The following PIWIL2 variants were observed in gnomAD, a reference collection of about 807,000 sequenced individuals.
The protein encoded by PIWIL2 is piwi-like protein 2.
In PIWIL2, 81 loss-of-function variants were observed where a neutral mutation model predicts 116.5. The observed-to-expected ratio is 0.70, with a 90% CI of 0.58 to 0.84. The LOEUF (loss-of-function observed/expected upper bound fraction) is 0.84. PIWIL2 is among the 40% of genes least tolerant of loss of function. The pLI, the probability that PIWIL2 is intolerant of heterozygous loss-of-function variation, is 0.00. For missense variants in PIWIL2, 1,272 were observed against 1,212.3 expected, an observed-to-expected ratio of 1.05 and a Z score of -0.73; for synonymous variants, 489 against 429.5, an observed-to-expected ratio of 1.14 and a Z score of -1.71.
chr8:22,345,357 A>G (rs1337172753), intron 20 of PIWIL2, among the ~76,000 whole-genome samples: 1 of 152,228 alleles, frequency 6.6e-6, no homozygotes, highest in Non-Finnish European at 1.5e-5. Flanking sequence ...CATAATGGCC[A>G]GAAATTGAAA....
chr8:22,349,720 T>G (rs963930221), intron 20 of PIWIL2, among the ~76,000 whole-genome samples: 2 of 152,082 alleles, frequency 1.3e-5, no homozygotes, highest in Non-Finnish European at 2.9e-5. Context: ...ACTGGTAACT[T>G]GAGCAGAATA....
In PIWIL2 at chr8:22,355,615, C is replaced by G; in HGVS notation, c.*110C>G. On this transcript the variant is annotated 3_prime_UTR_variant, in exon 23 of 23. Transcript: ENST00000356766. The stretch of plus-strand genomic sequence containing the variant: ...GTGGGCTTTTGTGTTATAATTTTCC[C>G]TTTCTCCAACCCTGTAGAATAAGAT... 1.1e-6 allele frequency: 1 copy of G among 921,886 alleles called. No individual in the cohort carries two copies. Among genetic ancestry groups the G allele is most frequent in the Non-Finnish European group, 1.6e-6 (1 of 607,864 alleles). The allele number at this position is 921,886 out of a possible 1,614,324, so 57.1% of individuals were successfully genotyped here.
chr8:22,330,881 T>G (rs1675624469), intron 20 of PIWIL2, among the ~76,000 whole-genome samples: 2 of 151,786 alleles, frequency 1.3e-5, no homozygotes, highest in African/African-American at 4.8e-5. Flanking sequence ...TGTTGAAAAC[T>G]GGAAATTTAA....
chr8:22,281,166 C>A lies in PIWIL2; in HGVS notation c.245C>A (p.Thr82Lys), dbSNP rs769454927. 6.2e-7 allele frequency: 1 copy of A among 1,612,784 alleles called. No homozygotes were observed. Among genetic ancestry groups the A allele is most frequent in the Non-Finnish European group, 8.5e-7 (1 of 1,179,520 alleles). ...ATGTTCCGAGGCCTGGGCATTGAAA[C>A]AGTTTCTAAGACCCCTCTGAAACGG... The part of the protein sequence containing the change: ...VSMFRGLGIE[T>K]VSKTPLKREM... Residue 82 changes from threonine to lysine, a missense_variant, in exon 3 of 23, where the codon ACA becomes AAA. Thr to Lys is a moderately conservative substitution (Grantham distance 78). Coordinates refer to ENST00000356766, the MANE Select transcript of PIWIL2 (RefSeq NM_018068.5).
chr8:22,320,606 T>C (rs552148129), intron 20 of PIWIL2, among the ~76,000 whole-genome samples: 2 of 151,252 alleles, frequency 1.3e-5, no homozygotes, highest in African/African-American at 2.4e-5. Context: ...TCTTCTTTTT[T>C]TGAGACGGAA....
rs778590476 is a variant in PIWIL2, at chr8:22,305,979, TC to T, written c.1511del (p.Pro504GlnfsTer4). 1.2e-6 allele frequency: 2 copies of T among 1,613,888 alleles called. No homozygotes were observed. Among genetic ancestry groups the T allele is most frequent in the Non-Finnish European group, 1.7e-6 (2 of 1,179,912 alleles). On this transcript the variant is annotated frameshift_variant, in exon 13 of 23. Transcript: ENST00000356766. LOFTEE classifies it high-confidence loss of function. ...LLPELSFMTG[I>X]PEKMKKDFRA... ...CCTGAGCTTTCTTTTATGACCGGAA[TC>T]CCAGAGAAGATGAAGAAGGACTTCA...
At chr8:22,296,646 C>G (rs1324572615) in intron 10 of PIWIL2, among the ~76,000 whole-genome samples, 2 of 152,180 alleles carry the variant, frequency 1.3e-5, no homozygotes, top group East Asian at 3.9e-4. Flanking sequence ...GTTGAAAGAT[C>G]TAAAGCTGTT....
chr8:22,288,036 C>T (rs1183579328), intron 7 of PIWIL2, among the ~76,000 whole-genome samples: 2 of 152,154 alleles, frequency 1.3e-5, no homozygotes, highest in East Asian at 1.9e-4. Flanking sequence ...CGGTGGCTCA[C>T]GCCTGTAATC....
intron 20 of PIWIL2, among the ~76,000 whole-genome samples, chr8:22,337,010 C>T (rs1831995748): frequency 6.6e-6 from 1 of 152,092 alleles, no homozygotes; most frequent in South Asian, 2.1e-4. Flanking sequence ...ATGGACACAT[C>T]CCTGGAAATA....
At chr8:22,276,201 T>A (rs1418817660) in intron 1 of PIWIL2, among the ~76,000 whole-genome samples, 1 of 152,228 alleles carries the variant, frequency 6.6e-6, no homozygotes, top group African/African-American at 2.4e-5. Flanking sequence ...GTTCAATAAA[T>A]TTTGCAAGTT....
intron 19 of PIWIL2, among the ~76,000 whole-genome samples, chr8:22,317,478 A>G (rs935997821): frequency 6.6e-6 from 1 of 151,982 alleles, no homozygotes; most frequent in African/African-American, 2.4e-5. Flanking sequence ...TAAACTGTAC[A>G]TTTTCCTGTA....
At chr8:22,300,697 A>G (rs1435759812) in intron 10 of PIWIL2, among the ~76,000 whole-genome samples, 2 of 152,218 alleles carry the variant, frequency 1.3e-5, no homozygotes, top group African/African-American at 4.8e-5. Context: ...AATTTTAACC[A>G]GTGTACAGTG....
intron 20 of PIWIL2, among the ~76,000 whole-genome samples, chr8:22,331,922 C>T (rs762050525): frequency 3.3e-5 from 5 of 152,086 alleles, no homozygotes; most frequent in Admixed American, 6.6e-5. Context: ...GGGGTTAGGA[C>T]TTCAACATAT....
chr8:22,295,991 C>T lies in PIWIL2; in HGVS notation c.1181+5645C>T, dbSNP rs953204026. 2.9e-4 allele frequency among the ~76,000 whole-genome samples: 43 copies of T among 148,788 alleles called. 1 individual carries two copies. The highest frequency in any genetic ancestry group is 7.4e-5 in the Non-Finnish European group (5 of 67,370). On this transcript the variant is annotated intron_variant, in intron 10 of 22. Coordinates refer to ENST00000356766, the MANE Select transcript of PIWIL2 (RefSeq NM_018068.5). ...TGGTTGCTCTCCCGGCTGGCTGAAC[C>T]ATCACTGTCTTGGGGTTCCTCTTCC...
In PIWIL2 at chr8:22,288,594, A is replaced by C; in HGVS notation, c.914A>C (p.Lys305Thr). 1 of 1,612,784 alleles carries C rather than the reference A, an allele frequency of 6.2e-7. No individual in the cohort carries two copies. Among genetic ancestry groups the C allele is most frequent in the Non-Finnish European group, 8.5e-7 (1 of 1,178,712 alleles). Residue 305 changes from lysine to threonine, a missense_variant, in exon 8 of 23, where the codon AAG becomes ACG. By Grantham distance (78) the Lys-to-Thr change is moderately conservative. Coordinates refer to ENST00000356766, the MANE Select transcript of PIWIL2 (RefSeq NM_018068.5). The part of the protein sequence containing the change: ...RKTDSAEISI[K>T]IQMTKILEPC... ...ACAGACAGTGCTGAAATCAGCATTA[A>C]GATTCAGATGACAAAGATCCTGGAG...
At chr8:22,342,200 TAAG>T (rs1488254678) in intron 20 of PIWIL2, among the ~76,000 whole-genome samples, 2 of 152,182 alleles carry the variant, frequency 1.3e-5, no homozygotes, top group African/African-American at 4.8e-5. Flanking sequence ...TGTTCATTGA[TAAG>T]AAGACTCAAT....
chr8:22,281,563 T>C (rs1337696296), intron 4 of PIWIL2, 48 bp downstream of exon 4: 2 of 1,458,932 alleles, frequency 1.4e-6, no homozygotes, highest in African/African-American at 2.9e-5. Context: ...AGATGGAATA[T>C]CTCTGTAAGT....
intron 20 of PIWIL2, among the ~76,000 whole-genome samples, chr8:22,331,565 T>C (rs1193561819): frequency 6.6e-6 from 1 of 152,052 alleles, no homozygotes; most frequent in Non-Finnish European, 1.5e-5. Flanking sequence ...TTAGAAAGCA[T>C]GAAAAAAATT....
At chr8:22,322,626 GTCCTT>G (rs940642034) in intron 20 of PIWIL2, among the ~76,000 whole-genome samples, 1 of 150,740 alleles carries the variant, frequency 6.6e-6, no homozygotes, top group African/African-American at 2.4e-5. Flanking sequence ...GTCCTGTCCT[GTCCTT>G]TCCTTTCCTT....
Sources: gnomAD v4.1 joint callset for allele counts (sites outside exome capture counted in the v4.1 genomes callset) on GRCh38, gnomAD v4.1.1 for gene constraint, MANE v1.5 for transcripts, NCBI Gene and HGNC (gene_info 2026-07-23, HGNC 2026-07-21) for gene names.